RABGAP1L: variants seen among roughly 807,000 people sequenced by gnomAD.
The protein encoded by RABGAP1L is rab GTPase-activating protein 1-like.
RABGAP1L carries 63 observed loss-of-function variants against 137.7 expected under a neutral mutation model. That is an observed-to-expected ratio of 0.46 (90% CI 0.37 to 0.56). The LOEUF is 0.56. RABGAP1L is among the 20% of genes least tolerant of loss of function. The pLI is 0.00. For missense variants in RABGAP1L, 1,095 were observed against 1,244.0 expected, an observed-to-expected ratio of 0.88 and a Z score of 1.80; for synonymous variants, 431 against 433.7, an observed-to-expected ratio of 0.99 and a Z score of 0.08.
chr1:174,968,703 G>A (rs1465078815), intron 20 of RABGAP1L, among the ~76,000 whole-genome samples: 1 of 152,008 alleles, frequency 6.6e-6, no homozygotes, highest in African/African-American at 2.4e-5. Flanking sequence ...ACAAAAATAG[G>A]TGTTCAGAAA....
chr1:174,168,536 A>G (rs993457664), intron 1 of RABGAP1L, among the ~76,000 whole-genome samples: 1 of 151,894 alleles, frequency 6.6e-6, no homozygotes, highest in South Asian at 2.1e-4. Flanking sequence ...GTCAGTGGTC[A>G]TATTTGGACT....
At chr1:174,451,422 T>C (rs1379435445) in intron 13 of RABGAP1L, among the ~76,000 whole-genome samples, 2 of 152,250 alleles carry the variant, frequency 1.3e-5, no homozygotes, top group Non-Finnish European at 2.9e-5. Flanking sequence ...ATAACAATTA[T>C]ATGCCAGGCT....
chr1:174,711,212 C>T (rs980534780), intron 17 of RABGAP1L, among the ~76,000 whole-genome samples: 8 of 152,218 alleles, frequency 5.3e-5, no homozygotes, highest in South Asian at 2.1e-4. Context: ...TTCCCACCTG[C>T]GCCTCTCCCT....
At chr1:174,771,901 T>G (rs1222252446) in intron 18 of RABGAP1L, among the ~76,000 whole-genome samples, 1 of 152,226 alleles carries the variant, frequency 6.6e-6, no homozygotes, top group Non-Finnish European at 1.5e-5. Flanking sequence ...GCTAAGCACT[T>G]TAAAACTAAT....
At chr1:174,204,643 G>T (rs1161666658) in intron 1 of RABGAP1L, among the ~76,000 whole-genome samples, 1 of 152,106 alleles carries the variant, frequency 6.6e-6, no homozygotes, top group Non-Finnish European at 1.5e-5. Context: ...CCTTGATATG[G>T]TTTAGCTCTG....
At chr1:174,393,561 T>C (rs1013586566) in intron 12 of RABGAP1L, among the ~76,000 whole-genome samples, 4 of 152,172 alleles carry the variant, frequency 2.6e-5, no homozygotes, top group Non-Finnish European at 5.9e-5. Context: ...CAAGGTGTGA[T>C]AGGCCTATGA....
At chr1:174,348,190 T>C (rs559606766) in intron 11 of RABGAP1L, among the ~76,000 whole-genome samples, 3 of 151,616 alleles carry the variant, frequency 2.0e-5, no homozygotes, top group African/African-American at 7.2e-5. Flanking sequence ...TGAGTTACCC[T>C]GAAGCTTGTA....
Position 174,638,143 on chromosome 1 carries a change from TA to T in RABGAP1L, c.1824+657del, listed in dbSNP as rs1283143072. ...TGGGTATACTCACATTGTTGATATC[TA>T]ACATTCTAAAGAGATGGTTAATGAA... On this transcript the variant is annotated intron_variant, in intron 14 of 25. Transcript: ENST00000681986. Among the ~76,000 whole-genome samples, 4 of 152,170 alleles carry T rather than the reference TA, an allele frequency of 2.6e-5. No homozygotes were observed. The East Asian group carries it at 7.7e-4, about 29-fold the overall frequency.
In RABGAP1L at chr1:174,969,385, CAGG is replaced by C; in HGVS notation, c.2543_2544+1del. 6.5e-7 allele frequency: 1 copy of C among 1,546,252 alleles called. No individual in the cohort carries two copies. The highest frequency in any genetic ancestry group is 8.7e-7 in the Non-Finnish European group (1 of 1,143,070). On this transcript the variant is annotated splice_donor_variant and coding_sequence_variant, in exon 21 of 26. Coordinates refer to ENST00000681986, the MANE Select transcript of RABGAP1L (RefSeq NM_001366446.1). LOFTEE classifies it high-confidence loss of function. ...AATTGCTCTACGGAATGACTTGGAT[CAGG>C]TAATCCTTAGAAATGAGACTGTGAT...
chr1:174,605,768 T>A (rs1261641354), intron 13 of RABGAP1L, among the ~76,000 whole-genome samples: 1 of 152,236 alleles, frequency 6.6e-6, no homozygotes, highest in African/African-American at 2.4e-5. Context: ...ACAAACAAGA[T>A]AATTTTGTTC....
intron 19 of RABGAP1L, among the ~76,000 whole-genome samples, chr1:174,894,253 AG>A (rs1323602686): frequency 1.3e-5 from 2 of 152,242 alleles, no homozygotes; most frequent in Non-Finnish European, 2.9e-5. Flanking sequence ...TTCATGTAAA[AG>A]AATCATTTTT....
At chr1:174,529,576 A>G (rs1664213354) in intron 13 of RABGAP1L, among the ~76,000 whole-genome samples, 1 of 151,880 alleles carries the variant, frequency 6.6e-6, no homozygotes, top group South Asian at 2.1e-4. Flanking sequence ...AGAGTTGCAT[A>G]CACCAGCACT....
intron 19 of RABGAP1L, among the ~76,000 whole-genome samples, chr1:174,884,511 T>C (rs1180000860): frequency 1.3e-5 from 2 of 152,252 alleles, no homozygotes; most frequent in African/African-American, 4.8e-5. Context: ...TTATTCTCAT[T>C]GTTACATAGC....
At position 174,388,203 on chromosome 1, in the gene RABGAP1L, C is replaced by T. The variant is rs181833069; in HGVS notation, c.1560-5792C>T. Among the ~76,000 whole-genome samples, 193 of 152,026 alleles carry T rather than the reference C, an allele frequency of 1.3e-3. 1 individual carries two copies. Among genetic ancestry groups the T allele is most frequent in the Non-Finnish European group, 1.9e-3 (130 of 67,902 alleles). On this transcript the variant is annotated intron_variant, in intron 12 of 25. Transcript: ENST00000681986. ...TATATATGCTCAGTGAAATTTTAAA[C>T]GTGTTTGAAAAGATTTTGAACTTAC...
intron 10 of RABGAP1L, among the ~76,000 whole-genome samples, chr1:174,293,234 T>C (rs556982563): frequency 2.0e-5 from 3 of 152,272 alleles, no homozygotes; most frequent in African/African-American, 7.2e-5. Context: ...AAATTAGTTA[T>C]ATGAAGAGTT....
chr1:174,420,317 A>G (rs1377489454), intron 13 of RABGAP1L, among the ~76,000 whole-genome samples: 1 of 151,956 alleles, frequency 6.6e-6, no homozygotes, highest in Non-Finnish European at 1.5e-5. Context: ...ATGTAGTGGC[A>G]CATACTAAAA....
chr1:174,480,870 T>G (rs534366123), intron 13 of RABGAP1L, among the ~76,000 whole-genome samples: 150 of 152,350 alleles, frequency 9.8e-4, no homozygotes, highest in Non-Finnish European at 1.6e-3. Flanking sequence ...GTTGTGAATT[T>G]TCTAGTTTAT....
intron 1 of RABGAP1L, among the ~76,000 whole-genome samples, chr1:174,214,603 T>C (rs1259912805): frequency 6.6e-6 from 1 of 152,182 alleles, no homozygotes; most frequent in African/African-American, 2.4e-5. Context: ...ATAGCTATAG[T>C]AACCAAAACA....
At chr1:174,161,215 A>T (rs1664410160) in intron 1 of RABGAP1L, among the ~76,000 whole-genome samples, 1 of 127,970 alleles carries the variant, frequency 7.8e-6, no homozygotes. Context: ...ATTTGCTCTG[A>T]TGTGTATTAT....
Sources: allele counts gnomAD v4.1 joint callset (sites outside exome capture counted in the v4.1 genomes callset), GRCh38; gene constraint gnomAD v4.1.1; transcripts MANE v1.5; gene names NCBI Gene and HGNC (gene_info 2026-07-23, HGNC 2026-07-21).